The following TULP4 variants were observed in gnomAD, a reference collection of about 807,000 sequenced individuals.
TULP4 encodes tubby-related protein 4.
A neutral mutation model predicts 129.0 loss-of-function variants in TULP4; 16 were observed. That is an observed-to-expected ratio of 0.12 (90% confidence interval 0.08 to 0.19). TULP4 has a LOEUF of 0.19. Among genes scored for constraint, TULP4 ranks in the 10% least tolerant of loss-of-function variants. The pLI, the probability that TULP4 is intolerant of heterozygous loss-of-function variation, is 1.00. For missense variants in TULP4, 1,842 were observed against 2,059.1 expected (o/e 0.89, Z 2.04); for synonymous variants, 998 against 854.0 (o/e 1.17, Z -2.94).
chr6:158,289,066 G>A (rs1211226544), intron 1 of TULP4, among the ~76,000 whole-genome samples: 1 of 152,158 alleles, frequency 6.6e-6, no homozygotes, highest in East Asian at 1.9e-4. Flanking sequence ...TTCTTTGTGG[G>A]ATGATTTTAA....
intron 3 of TULP4, among the ~76,000 whole-genome samples, chr6:158,432,559 T>TTAAAAAATA (rs1778655449): frequency 6.6e-6 from 1 of 152,152 alleles, no homozygotes; most frequent in Admixed American, 6.5e-5. Flanking sequence ...CCTGTCAACT[T>TTAAAAAATA]TAAAAAATAT....
intron 1 of TULP4, among the ~76,000 whole-genome samples, chr6:158,291,582 T>A (rs1185447837): frequency 6.6e-6 from 1 of 152,214 alleles, no homozygotes; most frequent in African/African-American, 2.4e-5. Context: ...CATTTTTTTT[T>A]ATCAGTTTTG....
chr6:158,446,531 T>A (rs1367379850), intron 3 of TULP4, among the ~76,000 whole-genome samples: 1 of 152,244 alleles, frequency 6.6e-6, no homozygotes, highest in Non-Finnish European at 1.5e-5. Context: ...TCAAAAGACC[T>A]TTCAATGCAG....
At chr6:158,484,188 G>C (rs1421695209) in intron 8 of TULP4, among the ~76,000 whole-genome samples, 1 of 151,382 alleles carries the variant, frequency 6.6e-6, no homozygotes, top group African/African-American at 2.4e-5. Context: ...GCCTCCCATA[G>C]TGCTGGGATC....
At chr6:158,302,039 A>G (rs1056577252) in intron 1 of TULP4, among the ~76,000 whole-genome samples, 2 of 152,184 alleles carry the variant, frequency 1.3e-5, no homozygotes, top group African/African-American at 4.8e-5. Context: ...GCGATGTGTA[A>G]TCCAGCCTCT....
intron 2 of TULP4, among the ~76,000 whole-genome samples, chr6:158,425,596 GTTTTT>G (rs992885482): frequency 3.1e-4 from 47 of 149,764 alleles, no homozygotes; most frequent in Non-Finnish European, 3.3e-4. Flanking sequence ...TCTGTTTTAG[GTTTTT>G]TTTTGTTTGT....
intron 6 of TULP4, among the ~76,000 whole-genome samples, chr6:158,472,169 A>G (rs149149870): frequency 3.9e-5 from 6 of 152,286 alleles, no homozygotes; most frequent in African/African-American, 1.2e-4. Flanking sequence ...TCTGGCATGT[A>G]TTACACTTTT....
chr6:158,273,852 A>G (rs1034794263), intron 1 of TULP4, among the ~76,000 whole-genome samples: 2 of 152,246 alleles, frequency 1.3e-5, no homozygotes, highest in African/African-American at 4.8e-5. Context: ...ATATTAACTC[A>G]TTGAATTCTT....
At chr6:158,429,382 G>A (rs566485355) in intron 2 of TULP4, among the ~76,000 whole-genome samples, 1 of 152,330 alleles carries the variant, frequency 6.6e-6, no homozygotes, top group East Asian at 1.9e-4. Context: ...CAAGTAATCT[G>A]CCTGCCTCGG....
chr6:158,309,995 G>T (rs1199723460), upstream of TULP4, among the ~76,000 whole-genome samples: 6 of 152,092 alleles, frequency 3.9e-5, no homozygotes, highest in Admixed American at 3.9e-4. Flanking sequence ...TTTCCTTAAA[G>T]TGGCAGGCTT....
chr6:158,506,490 C>G (rs534893551), intron 13 of TULP4, 88 bp from the exon 14 acceptor site: 3 of 884,652 alleles, frequency 3.4e-6, no homozygotes, highest in Non-Finnish European at 5.8e-6. Flanking sequence ...CTCGGCCTCC[C>G]AAAGTGCTGG....
At chr6:158,311,285 G>A (rs1779345529), upstream of TULP4, among the ~76,000 whole-genome samples, 1 of 152,128 alleles carries the variant, frequency 6.6e-6, no homozygotes, top group Non-Finnish European at 1.5e-5. Flanking sequence ...GGGCTGGGCC[G>A]CTTCAGCTGC....
chr6:158,439,284 C>T (rs1319205882), intron 3 of TULP4, among the ~76,000 whole-genome samples: 1 of 152,138 alleles, frequency 6.6e-6, no homozygotes, highest in Non-Finnish European at 1.5e-5. Flanking sequence ...CAAAAAGTCA[C>T]AATTCATTAT....
intron 1 of TULP4, among the ~76,000 whole-genome samples, chr6:158,376,632 G>A (rs1462245742): frequency 6.6e-6 from 1 of 152,220 alleles, no homozygotes; most frequent in Non-Finnish European, 1.5e-5. Flanking sequence ...AGTGAGATCT[G>A]TTAGTGTGGG....
At chr6:158,492,593 C>T (rs906264360) in intron 9 of TULP4, among the ~76,000 whole-genome samples, 16 of 152,108 alleles carry the variant, frequency 1.1e-4, no homozygotes, top group African/African-American at 1.9e-4. Context: ...TTCAGGTTGC[C>T]GTCTTCCTGT....
chr6:158,320,971 T>G (rs1178155541), intron 1 of TULP4, among the ~76,000 whole-genome samples: 1 of 152,206 alleles, frequency 6.6e-6, no homozygotes, highest in Non-Finnish European at 1.5e-5. Context: ...TTGGTAAAAC[T>G]TATTGGAAGA....
chr6:158,247,731 T>G (rs1263217714), intron 1 of TULP4, among the ~76,000 whole-genome samples: 3 of 152,194 alleles, frequency 2.0e-5, no homozygotes, highest in East Asian at 1.9e-4. Context: ...CTATTAAGAG[T>G]GTGTTTACCT....
intron 3 of TULP4, among the ~76,000 whole-genome samples, chr6:158,435,806 C>G: frequency 6.6e-6 from 1 of 152,152 alleles, no homozygotes; most frequent in Non-Finnish European, 1.5e-5. Flanking sequence ...TCCCCCCTGC[C>G]TCTCCTCCCT....
intron 1 of TULP4, among the ~76,000 whole-genome samples, chr6:158,344,842 G>A (rs1387749588): frequency 6.6e-6 from 1 of 152,204 alleles, no homozygotes; most frequent in African/African-American, 2.4e-5. Flanking sequence ...CATATCTAAA[G>A]CCGAGACAAG....
Sources: allele counts gnomAD v4.1 joint callset (sites outside exome capture counted in the v4.1 genomes callset), GRCh38; gene constraint gnomAD v4.1.1; transcripts MANE v1.5; gene names NCBI Gene and HGNC (gene_info 2026-07-23, HGNC 2026-07-21).